The following RAB22A variants were observed in gnomAD, a reference collection of about 807,000 sequenced individuals.
RAB22A encodes ras-related protein Rab-22A.
In RAB22A, 13 loss-of-function variants were observed where a neutral mutation model predicts 30.2. The observed-to-expected ratio is 0.43, with a 90% CI of 0.28 to 0.68. The LOEUF (loss-of-function observed/expected upper bound fraction) is 0.68. Ranked by LOEUF, RAB22A falls within the 30% of genes least tolerant of loss-of-function variation. The pLI is 0.18. For missense variants in RAB22A, 177 were observed against 246.8 expected (o/e 0.72, Z 1.89); for synonymous variants, 89 against 87.2 (o/e 1.02, Z -0.11).
At chr20:58,349,019 C>T (rs779330937) in intron 3 of RAB22A, among the ~76,000 whole-genome samples, 4 of 152,140 alleles carry the variant, frequency 2.6e-5, no homozygotes, top group Non-Finnish European at 2.9e-5. Flanking sequence ...AAAAGTTTGC[C>T]GTCACCTGAT....
chr20:58,326,774 A>G (rs1600727936), intron 2 of RAB22A, among the ~76,000 whole-genome samples: 1 of 152,212 alleles, frequency 6.6e-6, no homozygotes, highest in Non-Finnish European at 1.5e-5. Context: ...ATCATGTTGT[A>G]TGAAAATAAA....
In RAB22A at chr20:58,321,779, T is replaced by C. The variant is rs140436554; in HGVS notation, c.116+10657T>C. On this transcript the variant is annotated intron_variant, in intron 2 of 6. Coordinates refer to ENST00000244040, the MANE Select transcript of RAB22A (RefSeq NM_020673.3). ...TTATATATATTATATGTATGAATTA[T>C]ATATCTCTTAAATGTATCTGTGTTA... is the stretch of plus-strand genomic sequence containing the variant. Among the ~76,000 whole-genome samples, 75 of 152,272 alleles carry C rather than the reference T, an allele frequency of 4.9e-4. 1 individual carries two copies. The East Asian group carries it at 0.014, about 29-fold the overall frequency.
At chr20:58,326,145 T>G (rs1986565956) in intron 2 of RAB22A, among the ~76,000 whole-genome samples, 1 of 151,194 alleles carries the variant, frequency 6.6e-6, no homozygotes, top group Non-Finnish European at 1.5e-5. Context: ...TTTCCTGTTT[T>G]GTTTTTTTTT....
chr20:58,348,806 C>T (rs1318708536), intron 3 of RAB22A, among the ~76,000 whole-genome samples: 1 of 151,326 alleles, frequency 6.6e-6, no homozygotes, highest in Non-Finnish European at 1.5e-5. Context: ...AAAAAAAAAT[C>T]GCAAAAACAG....
chr20:58,310,965 A>G, intron 1 of RAB22A, 78 bp from the exon 2 acceptor site: 1 of 1,193,822 alleles, frequency 8.4e-7, no homozygotes, highest in South Asian at 1.2e-5. Context: ...TAAAATCCTG[A>G]ACTTATGCCA....
At chr20:58,330,534 G>C (rs954716284) in intron 2 of RAB22A, among the ~76,000 whole-genome samples, 5 of 151,882 alleles carry the variant, frequency 3.3e-5, no homozygotes, top group Non-Finnish European at 7.4e-5. Context: ...AAGATACGCT[G>C]CAAAGATTTT....
At chr20:58,311,576 T>C (rs748253030) in intron 2 of RAB22A, among the ~76,000 whole-genome samples, 2 of 152,234 alleles carry the variant, frequency 1.3e-5, no homozygotes, top group Non-Finnish European at 2.9e-5. Flanking sequence ...TAAATTCATA[T>C]TGAAATGGAA....
At chr20:58,326,275 A>T (rs1986567880) in intron 2 of RAB22A, among the ~76,000 whole-genome samples, 1 of 152,056 alleles carries the variant, frequency 6.6e-6, no homozygotes, top group African/African-American at 2.4e-5. Flanking sequence ...AATTTGCATC[A>T]CCTCAGAAAG....
chr20:58,311,246 A>C (rs561482267), intron 2 of RAB22A, 124 bp downstream of exon 2: 1 of 918,612 alleles, frequency 1.1e-6, no homozygotes. Context: ...GGTTCGCATC[A>C]TCTCTGGAAG....
chr20:58,333,118 A>T (rs1464568516), intron 2 of RAB22A, among the ~76,000 whole-genome samples: 9 of 151,980 alleles, frequency 5.9e-5, no homozygotes. Flanking sequence ...TGTCTCTACT[A>T]AAAATACAAA....
chr20:58,310,144 C>T, intron 1 of RAB22A, 132 bp downstream of exon 1: 1 of 962,484 alleles, frequency 1.0e-6, no homozygotes, highest in Non-Finnish European at 1.3e-6. Flanking sequence ...GTGGACCCTC[C>T]CTCCAGCTCG....
At chr20:58,329,155 A>C (rs1486206021) in intron 2 of RAB22A, among the ~76,000 whole-genome samples, 1 of 149,724 alleles carries the variant, frequency 6.7e-6, no homozygotes, top group Non-Finnish European at 1.5e-5. Flanking sequence ...CTGGGTTCAC[A>C]CTGTTCTCCT....
At chr20:58,312,788 C>T (rs1369920150) in intron 2 of RAB22A, among the ~76,000 whole-genome samples, 2 of 152,158 alleles carry the variant, frequency 1.3e-5, no homozygotes, top group African/African-American at 4.8e-5. Flanking sequence ...CCGTGCCTGG[C>T]CGCCTATCTG....
rs531948776 is a variant in RAB22A at position 58,315,285 on chromosome 20, G to A, written c.116+4163G>A. Among the ~76,000 whole-genome samples the A allele has an allele frequency of 1.0e-3, 156 of 152,104 alleles. 3 individuals are homozygous for A. In the South Asian group the frequency reaches 0.016, roughly 16 times the overall value. Reference sequence around the variant, plus strand: ...CTTCCCATGTTTCTCACCTCCCTCGGACACCTCACCTTCACCTGTATAATG... The same window carrying A: ...CTTCCCATGTTTCTCACCTCCCTCGAACACCTCACCTTCACCTGTATAATG... On this transcript the variant is annotated intron_variant, in intron 2 of 6. Coordinates refer to ENST00000244040, the MANE Select transcript of RAB22A (RefSeq NM_020673.3).
chr20:58,357,958 T>G (rs1167903722), intron 6 of RAB22A, among the ~76,000 whole-genome samples: 2 of 152,234 alleles, frequency 1.3e-5, no homozygotes, highest in Non-Finnish European at 2.9e-5. Context: ...ATTGTGCTGA[T>G]AAGATACTGG....
chr20:58,320,280 T>C (rs1326320385), intron 2 of RAB22A, among the ~76,000 whole-genome samples: 1 of 152,242 alleles, frequency 6.6e-6, no homozygotes, highest in Non-Finnish European at 1.5e-5. Flanking sequence ...GTAAATACTG[T>C]AAAGGCTTAT....
chr20:58,361,238 C>T lies in RAB22A; in HGVS notation c.*1535C>T, dbSNP rs1987220022. The T allele has an allele frequency of 6.6e-6, 1 of 152,530 alleles. No homozygotes were observed. The highest frequency in any genetic ancestry group is 2.4e-5 in the African/African-American group (1 of 41,410). 9.4% of individuals were successfully genotyped at this position (152,530 alleles called of 1,614,324 possible). ...GAAATGAAACAGCTTGAATTTCAAACTAAATTGTATTTTCAGAGCTATCCT... is the reference window on the plus strand; with the variant it reads ...GAAATGAAACAGCTTGAATTTCAAATTAAATTGTATTTTCAGAGCTATCCT... On this transcript the variant is annotated 3_prime_UTR_variant, in exon 7 of 7. Coordinates refer to ENST00000244040, the MANE Select transcript of RAB22A (RefSeq NM_020673.3).
At chr20:58,324,745 T>A (rs1986526043) in intron 2 of RAB22A, among the ~76,000 whole-genome samples, 1 of 150,320 alleles carries the variant, frequency 6.7e-6, no homozygotes. Flanking sequence ...CACATGCCTG[T>A]AGTCCCAGCT....
At chr20:58,330,932 CTG>C (rs1195477939) in intron 2 of RAB22A, among the ~76,000 whole-genome samples, 2 of 152,224 alleles carry the variant, frequency 1.3e-5, no homozygotes, top group African/African-American at 2.4e-5. Flanking sequence ...TGAGAGGAGT[CTG>C]TGTATGGATT....
Sources: gnomAD v4.1 joint callset for allele counts (sites outside exome capture counted in the v4.1 genomes callset) on GRCh38, gnomAD v4.1.1 for gene constraint, MANE v1.5 for transcripts, NCBI Gene and HGNC (gene_info 2026-07-23, HGNC 2026-07-21) for gene names.